The following POLN variants were observed in gnomAD, a reference collection of about 807,000 sequenced individuals.
POLN encodes DNA polymerase N.
A neutral mutation model predicts 113.5 loss-of-function variants in POLN; 108 were observed. The observed-to-expected ratio is 0.95, with a 90% CI of 0.81 to 1.12. The LOEUF is 1.12. Ranked by LOEUF, POLN falls within the 50% of genes most tolerant of loss-of-function variation. The probability of loss-of-function intolerance (pLI) is 0.00; values close to 1 mark genes in which losing one functional copy is unlikely to be tolerated. For synonymous variants in POLN, 386 were observed against 391.5 expected, an observed-to-expected ratio of 0.99 and a Z score of 0.17; for missense variants, 1,097 against 1,077.1, an observed-to-expected ratio of 1.02 and a Z score of -0.26.
intron 9 of POLN, among the ~76,000 whole-genome samples, chr4:2,175,584 C>G (rs1163625878): frequency 6.6e-6 from 1 of 152,214 alleles, no homozygotes; most frequent in Non-Finnish European, 1.5e-5. Flanking sequence ...TCCGGGCCTT[C>G]CTGTGTTCTT....
chr4:2,120,357 T>C (rs1731409750), intron 19 of POLN, among the ~76,000 whole-genome samples: 1 of 152,160 alleles, frequency 6.6e-6, no homozygotes, highest in African/African-American at 2.4e-5. Flanking sequence ...ACATTATTTG[T>C]ATGTTGAGTC....
chr4:2,191,698 T>C (rs1733445268), intron 7 of POLN, among the ~76,000 whole-genome samples: 1 of 151,978 alleles, frequency 6.6e-6, no homozygotes, highest in African/African-American at 2.4e-5. Flanking sequence ...TGGGGAGAGA[T>C]GATGGTGTTG....
intron 2 of POLN, chr4:2,231,832 G>T: frequency 1.6e-6 from 1 of 625,466 alleles, no homozygotes; most frequent in Non-Finnish European, 2.8e-6. Flanking sequence ...ATGTTCCATT[G>T]ACCTCAAATT....
intron 19 of POLN, among the ~76,000 whole-genome samples, chr4:2,120,555 G>A (rs1452640029): frequency 3.3e-5 from 5 of 151,710 alleles, no homozygotes; most frequent in South Asian, 2.1e-4. Flanking sequence ...GTGTAGTGGC[G>A]CGATCTCAGA....
chr4:2,148,059 C>T (rs1357479609), intron 16 of POLN, among the ~76,000 whole-genome samples: 1 of 152,112 alleles, frequency 6.6e-6, no homozygotes, highest in Non-Finnish European at 1.5e-5. Flanking sequence ...ATTTACAGTC[C>T]AGTGAGGTGA....
intron 4 of POLN, among the ~76,000 whole-genome samples, chr4:2,212,119 G>A (rs1192091152): frequency 6.6e-6 from 1 of 152,108 alleles, no homozygotes; most frequent in Non-Finnish European, 1.5e-5. Flanking sequence ...ATTAGGTTGG[G>A]AGTTGAACAC....
At position 2,174,026 on chromosome 4, in the gene POLN, T is replaced by C; in HGVS notation, c.1310-7A>G. ...ATGGCATGGCTTTCCATCACTGTGA[T>C]TCGAAACCCAAACCAGATCATATTT... On this transcript the variant is annotated splice_polypyrimidine_tract_variant and splice_region_variant and intron_variant, in intron 10 of 25. Coordinates refer to ENST00000511885, the MANE Select transcript of POLN (RefSeq NM_181808.4). 2 of 1,614,010 alleles carry C rather than the reference T, an allele frequency of 1.2e-6. No individual in the cohort carries two copies. Among genetic ancestry groups the C allele is most frequent in the Admixed American group, 3.3e-5 (2 of 60,024 alleles).
intron 16 of POLN, among the ~76,000 whole-genome samples, chr4:2,146,755 T>C (rs1158485578): frequency 1.3e-5 from 2 of 152,080 alleles, no homozygotes; most frequent in Admixed American, 6.5e-5. Context: ...CTTAAAGATA[T>C]GTTCATGGAT....
chr4:2,197,729 T>C (rs762996759), intron 6 of POLN, among the ~76,000 whole-genome samples: 4 of 152,084 alleles, frequency 2.6e-5, no homozygotes, highest in Non-Finnish European at 5.9e-5. Flanking sequence ...ACATTCCCCT[T>C]CTCCCCAAAA....
At chr4:2,174,325 G>T (rs1374332029) in intron 10 of POLN, among the ~76,000 whole-genome samples, 4 of 152,240 alleles carry the variant, frequency 2.6e-5, no homozygotes, top group Non-Finnish European at 4.4e-5. Flanking sequence ...GCGGTCAAAG[G>T]CAAAGGCAGA....
intron 3 of POLN, among the ~76,000 whole-genome samples, chr4:2,215,341 G>A (rs144627243): frequency 2.0e-5 from 3 of 152,084 alleles, no homozygotes; most frequent in East Asian, 1.9e-4. Context: ...AAGATGTTAC[G>A]CACATAACAC....
chr4:2,228,885 T>C, intron 3 of POLN: 1 of 408,284 alleles, frequency 2.4e-6, no homozygotes, highest in East Asian at 3.9e-5. Flanking sequence ...CAGAAATACC[T>C]GGAATAAGGA....
intron 19 of POLN, among the ~76,000 whole-genome samples, chr4:2,120,639 G>A (rs866396710): frequency 6.6e-6 from 1 of 151,908 alleles, no homozygotes; most frequent in East Asian, 1.9e-4. Flanking sequence ...GATTACAGGC[G>A]CTCATCACTA....
intron 7 of POLN, among the ~76,000 whole-genome samples, chr4:2,181,544 G>A (rs1166405696): frequency 6.6e-6 from 1 of 151,198 alleles, no homozygotes; most frequent in Non-Finnish European, 1.5e-5. Flanking sequence ...AAGAAATGAC[G>A]AAACTGAAAA....
rs747202969 is a variant in POLN, at chr4:2,093,097, GAA to G, written c.2065+2752_2065+2753del. On this transcript the variant is annotated intron_variant, in intron 20 of 25. Transcript: ENST00000511885. The surrounding 1 kb of genome is among the most constrained non-coding windows in gnomAD (Gnocchi z 4.1). ...CAAAATGTAGCTCTTTTCCTCTCCA[GAA>G]AAAAAAAAAAAGTGAATACTCCAGA... is the stretch of plus-strand genomic sequence containing the variant. Among the ~76,000 whole-genome samples the G allele has an allele frequency of 7.0e-6, 1 of 142,550 alleles. No individual in the cohort carries two copies. The allele number at this position is 142,550 out of a possible 152,430, so 93.5% of individuals were successfully genotyped here. A position where few individuals can be genotyped will look rare whatever the true frequency, so the allele number is the denominator to read the frequency against.
At chr4:2,227,436 G>T (rs373123517) in intron 3 of POLN, 5 of 152,304 alleles carry the variant, frequency 3.3e-5, no homozygotes, top group African/African-American at 1.2e-4. Context: ...CCAGGCTCCT[G>T]ACGCACAGAA....
At position 2,238,997 on chromosome 4, in the gene POLN, C is replaced by T. The variant is rs139798656; in HGVS notation, c.-13+2523G>A. On this transcript the variant is annotated intron_variant, in intron 2 of 25. Coordinates refer to ENST00000511885, the MANE Select transcript of POLN (RefSeq NM_181808.4). ...CTCTTTTTCAAGTTTCATAATCTCACTGGTCAAGCTAGAAATTTTAGCATC... is the reference window on the plus strand; with the variant it reads ...CTCTTTTTCAAGTTTCATAATCTCATTGGTCAAGCTAGAAATTTTAGCATC... The T allele has an allele frequency of 3.0e-4, 471 of 1,557,174 alleles. No homozygotes were observed. The highest frequency in any genetic ancestry group is 3.7e-4 in the Non-Finnish European group (425 of 1,157,698).
Position 2,240,869 on chromosome 4 carries a change from G to A in POLN, c.-13+651C>T, listed in dbSNP as rs756121903. 7 of 1,611,370 alleles carry A rather than the reference G, an allele frequency of 4.3e-6. No homozygotes were observed. In the African/African-American group the frequency reaches 9.4e-5, roughly 22 times the overall value. The stretch of plus-strand genomic sequence containing the variant: ...CAACGCCCTCAAACAACCAGTCAAA[G>A]TCTTCTCCATTAAGATTATCAGCTT... On this transcript the variant is annotated intron_variant, in intron 2 of 25. Coordinates refer to ENST00000511885, the MANE Select transcript of POLN (RefSeq NM_181808.4).
rs181874385 is a variant in POLN at position 2,165,615 on chromosome 4, T to C, written c.1554+5064A>G. Among the ~76,000 whole-genome samples, 27 of 146,570 alleles carry C rather than the reference T, an allele frequency of 1.8e-4. No homozygotes were observed. The East Asian group carries it at 5.0e-3, about 27-fold the overall frequency. On this transcript the variant is annotated intron_variant, in intron 13 of 25. Transcript: ENST00000511885. ...CTACGGACTCTGGGCGATAACGATG[T>C]ATCAGTGTGGGTTCACTGACTGTAA...
Sources: allele counts gnomAD v4.1 joint callset (sites outside exome capture counted in the v4.1 genomes callset), GRCh38; gene constraint gnomAD v4.1.1; non-coding constraint Gnocchi (gnomAD v3.1); transcripts MANE v1.5; gene names NCBI Gene and HGNC (gene_info 2026-07-23, HGNC 2026-07-21).